Variants in SPAM1 observed in about 807,000 individuals in gnomAD.
SPAM1 encodes the protein sperm adhesion molecule 1.
SPAM1 carries 22 observed loss-of-function variants against 29.6 expected under a neutral mutation model. The observed-to-expected ratio is 0.74, with a 90% CI of 0.53 to 1.06. The LOEUF is 1.06. Among genes scored for constraint, SPAM1 ranks in the 50% least tolerant of loss-of-function variants. The pLI is 0.00. For synonymous variants in SPAM1, 194 were observed against 204.6 expected (o/e 0.95, Z 0.44); for missense variants, 534 against 604.0 (o/e 0.88, Z 1.21).
chr7:123,954,929 G>A (rs911984332), intron 3 of SPAM1, 68 bp from the exon 4 acceptor site: 24 of 978,828 alleles, frequency 2.5e-5, no homozygotes, highest in East Asian at 7.2e-5. Context: ...TAGCTTTTGC[G>A]TTGCTGTCCT....
intron 1 of SPAM1, among the ~76,000 whole-genome samples, chr7:123,936,466 C>T (rs1808247020): frequency 6.6e-6 from 1 of 152,166 alleles, no homozygotes; most frequent in African/African-American, 2.4e-5. Context: ...TAAAAAACAT[C>T]TCAAAGGGAA....
At chr7:123,934,253 C>T (rs1203285308) in intron 1 of SPAM1, among the ~76,000 whole-genome samples, 1 of 152,136 alleles carries the variant, frequency 6.6e-6, no homozygotes, top group South Asian at 2.1e-4. Flanking sequence ...CTCAACATTG[C>T]TAATCATCAG....
intron 4 of SPAM1, among the ~76,000 whole-genome samples, chr7:123,957,139 T>C (rs1389845725): frequency 1.3e-5 from 2 of 152,046 alleles, no homozygotes; most frequent in South Asian, 4.1e-4. Flanking sequence ...ACAAAGTCTA[T>C]GTACTCTTGG....
chr7:123,962,469 ACT>A (rs1158300677), downstream of SPAM1, among the ~76,000 whole-genome samples: 3 of 151,578 alleles, frequency 2.0e-5, no homozygotes, highest in African/African-American at 7.3e-5. Flanking sequence ...TTTTTGCTTT[ACT>A]CTGTTCATTG....
Position 123,959,950 on chromosome 7 carries a change from C to A in SPAM1, c.1511C>A (p.Ser504Tyr). The change falls in exon 5 of 5, where the codon TCT becomes TAT. Residue 504 changes from serine to tyrosine, a missense_variant. Coordinates refer to ENST00000682466, the MANE Select transcript of SPAM1 (RefSeq NM_153189.3). ...FIVSILFLII[S>Y]SVASL is the part of the protein sequence containing the mutation. ...GTTAGTATTTTGTTTCTTATCATTT[C>A]TTCTGTAGCGAGTTTGTAATTGCGC... 1 of 1,608,450 alleles carries A rather than the reference C, an allele frequency of 6.2e-7. No homozygotes were observed. Among genetic ancestry groups the A allele is most frequent in the Non-Finnish European group, 8.5e-7 (1 of 1,177,946 alleles).
intron 1 of SPAM1, among the ~76,000 whole-genome samples, chr7:123,940,512 G>A (rs1295328023): frequency 6.7e-6 from 1 of 149,918 alleles, no homozygotes. Flanking sequence ...TTTAAGAGAT[G>A]GGGCCTCACT....
chr7:123,963,478 A>C (rs1315831071), downstream of SPAM1, among the ~76,000 whole-genome samples: 1 of 151,850 alleles, frequency 6.6e-6, no homozygotes. Flanking sequence ...AGAGGAACCA[A>C]AGATTAGCAT....
intron 1 of SPAM1, among the ~76,000 whole-genome samples, chr7:123,948,427 T>A (rs1161685222): frequency 6.6e-6 from 1 of 152,158 alleles, no homozygotes; most frequent in East Asian, 1.9e-4. Context: ...TTTTTCATGT[T>A]AAAGAATGAT....
intron 4 of SPAM1, among the ~76,000 whole-genome samples, chr7:123,957,823 G>A (rs1267567370): frequency 1.3e-5 from 2 of 151,946 alleles, no homozygotes; most frequent in African/African-American, 2.4e-5. Flanking sequence ...GCTTTTAGAG[G>A]CCAGTACATT....
intron 2 of SPAM1, among the ~76,000 whole-genome samples, chr7:123,952,619 C>A (rs568867144): frequency 6.6e-6 from 1 of 152,038 alleles, no homozygotes; most frequent in Non-Finnish European, 1.5e-5. Flanking sequence ...CAATCAGAAT[C>A]ACAACACAAT....
At chr7:123,953,134 C>G (rs777704661) in intron 2 of SPAM1, among the ~76,000 whole-genome samples, 1 of 152,120 alleles carries the variant, frequency 6.6e-6, no homozygotes, top group South Asian at 2.1e-4. Context: ...TAGCTACATT[C>G]TCCTCTCTGT....
chr7:123,960,435 G>A (rs545681821), downstream of SPAM1, among the ~76,000 whole-genome samples: 139 of 152,104 alleles, frequency 9.1e-4, no homozygotes, highest in Non-Finnish European at 1.9e-3. Flanking sequence ...GAGAGAGAGG[G>A]AGAAGGAAAA....
intron 5 of SPAM1, among the ~76,000 whole-genome samples, chr7:123,969,427 T>C (rs1410876294): frequency 6.6e-6 from 1 of 152,060 alleles, no homozygotes; most frequent in African/African-American, 2.4e-5. Context: ...TGGGGTCTTA[T>C]GTTTGAGTCT....
intron 1 of SPAM1, among the ~76,000 whole-genome samples, chr7:123,947,953 T>C (rs1346124483): frequency 6.6e-6 from 1 of 152,012 alleles, no homozygotes; most frequent in Non-Finnish European, 1.5e-5. Flanking sequence ...ACTGGGAAAG[T>C]TAAGACGAGG....
At chr7:123,961,136 G>A (rs1192300052), downstream of SPAM1, among the ~76,000 whole-genome samples, 1 of 151,690 alleles carries the variant, frequency 6.6e-6, no homozygotes, top group African/African-American at 2.4e-5. Context: ...ATGGTAATAA[G>A]GATAACCAGT....
At chr7:123,937,725 G>C (rs1158000103) in intron 1 of SPAM1, among the ~76,000 whole-genome samples, 1 of 151,828 alleles carries the variant, frequency 6.6e-6, no homozygotes, top group Non-Finnish European at 1.5e-5. Flanking sequence ...CTTAAAGATT[G>C]AATAATTTGG....
chr7:123,960,001 C>A lies in SPAM1; in HGVS notation c.*32C>A. ...AGGTTAGCTGAAATGAACAATATGT[C>A]CATCTTAAAGTGTGCTTTTTCGACT... is the stretch of plus-strand genomic sequence containing the variant. On this transcript the variant is annotated 3_prime_UTR_variant, in exon 5 of 5. Transcript: ENST00000682466. 1 of 1,566,646 alleles carries A rather than the reference C, an allele frequency of 6.4e-7. No individual in the cohort carries two copies. The highest frequency in any genetic ancestry group is 8.6e-7 in the Non-Finnish European group (1 of 1,162,130).
At position 123,933,056 on chromosome 7, in the gene SPAM1, T is replaced by A. The variant is rs114127142; in HGVS notation, c.-319+7704T>A. 1.4e-3 allele frequency among the ~76,000 whole-genome samples: 211 copies of A among 152,110 alleles called. 2 individuals carry two copies. The highest frequency in any genetic ancestry group is 5.0e-3 in the South Asian group (24 of 4,824). On this transcript the variant is annotated intron_variant, in intron 1 of 4. Coordinates refer to ENST00000682466, the MANE Select transcript of SPAM1 (RefSeq NM_153189.3). Reference sequence around the variant, plus strand: ...TTTTAAAATATTATTTATTTTATTTTTTTTTTTTTAAATTTACTTTAAGTT... The same window carrying A: ...TTTTAAAATATTATTTATTTTATTTATTTTTTTTTAAATTTACTTTAAGTT...
chr7:123,929,130 G>T (rs1259339357), intron 1 of SPAM1, among the ~76,000 whole-genome samples: 1 of 152,112 alleles, frequency 6.6e-6, no homozygotes. Context: ...TTTATATTCT[G>T]GGGCTTTGAG....
Sources: gnomAD v4.1 joint callset for allele counts (sites outside exome capture counted in the v4.1 genomes callset) on GRCh38, gnomAD v4.1.1 for gene constraint, MANE v1.5 for transcripts, NCBI Gene and HGNC (gene_info 2026-07-23, HGNC 2026-07-21) for gene names.